Variants in EXD1 observed in about 807,000 individuals in gnomAD.
EXD1 encodes the protein exonuclease 3'-5' domain containing 1.
Under a neutral mutation model 49.1 loss-of-function variants are expected in EXD1, and 63 were observed. That is an observed-to-expected ratio of 1.28 (90% CI 1.05 to 1.58). The LOEUF (loss-of-function observed/expected upper bound fraction) is 1.58. Ranked by LOEUF, EXD1 falls within the 40% of genes most tolerant of loss-of-function variation. The pLI is 0.00. For synonymous variants in EXD1, 234 were observed against 239.2 expected, an observed-to-expected ratio of 0.98 and a Z score of 0.20; for missense variants, 748 against 666.0, an observed-to-expected ratio of 1.12 and a Z score of -1.36.
In EXD1 at chr15:41,226,558, G is replaced by T; in HGVS notation, c.18C>A (p.Asp6Glu). Residue 6 changes from aspartate to glutamate, a missense_variant, in exon 2 of 12, where the codon GAC (aspartate) becomes GAA (glutamate). Coordinates refer to ENST00000458580, the MANE Select transcript of EXD1 (RefSeq NM_001286441.2). MDPSSDYHFLSQILWK... is the reference protein window; with the variant it reads MDPSSEYHFLSQILWK... ...ACAAAATCTGGCTGAGGAAATGGTA[G>T]TCACTGCTGGGGTCCATGCTAATTG... 3 of 1,536,068 alleles carry T rather than the reference G, an allele frequency of 2.0e-6. No homozygotes were observed. The highest frequency in any genetic ancestry group is 2.4e-5 in the South Asian group (2 of 84,046).
At position 41,219,863 on chromosome 15, in the gene EXD1, C is replaced by G. The variant is rs770129615; in HGVS notation, c.169G>C (p.Val57Leu). The G allele has an allele frequency of 5.2e-6, 8 of 1,535,864 alleles. No homozygotes were observed. Among genetic ancestry groups the G allele is most frequent in the South Asian group, 4.8e-5 (4 of 84,038 alleles). ...NVETGRSVPG[V>L]KLFFGHEIVN... ...ATCTCATGCCCAAAAAACAACTTCACTCCTGGGACACTTCGACCTGTCTCC... is the reference window on the plus strand; with the variant it reads ...ATCTCATGCCCAAAAAACAACTTCAGTCCTGGGACACTTCGACCTGTCTCC... Residue 57 changes from valine to leucine, a missense_variant, in exon 3 of 12, where the codon GTG becomes CTG. Coordinates refer to ENST00000458580, the MANE Select transcript of EXD1 (RefSeq NM_001286441.2).
chr15:41,193,336 G>A (rs2046560450), intron 9 of EXD1, among the ~76,000 whole-genome samples: 1 of 152,184 alleles, frequency 6.6e-6, no homozygotes, highest in Admixed American at 6.6e-5. Flanking sequence ...TTAGTGGGCT[G>A]AGAATGCATT....
intron 2 of EXD1, among the ~76,000 whole-genome samples, chr15:41,222,310 G>A (rs1387196859): frequency 6.6e-6 from 1 of 152,168 alleles, no homozygotes; most frequent in Non-Finnish European, 1.5e-5. Flanking sequence ...CAGCTGTTCA[G>A]AGGCCAAGGC....
Position 41,195,913 on chromosome 15 carries a change from G to C in EXD1, c.639+20C>G, listed in dbSNP as rs1230030253. On this transcript the variant is annotated intron_variant, in intron 8 of 11. Transcript: ENST00000458580. ...CTGGCTGCTAATCTTAATAGCACAG[G>C]AATCAGTTTATATACTTACCTTCAA... The C allele has an allele frequency of 1.3e-5, 21 of 1,609,632 alleles. No homozygotes were observed. The highest frequency in any genetic ancestry group is 1.7e-5 in the Non-Finnish European group (20 of 1,177,770).
Position 41,226,437 on chromosome 15 carries a change from C to T in EXD1, c.133+6G>A. The T allele has an allele frequency of 6.5e-7, 1 of 1,535,758 alleles. No homozygotes were observed. The highest frequency in any genetic ancestry group is 8.7e-7 in the Non-Finnish European group (1 of 1,146,720). On this transcript the variant is annotated splice_donor_region_variant and intron_variant, in intron 2 of 11. Transcript: ENST00000458580. The stretch of plus-strand genomic sequence containing the variant: ...AGGCAGAACATTATAAGAAATAGAA[C>T]AAGACCTTTCTTCAGGACAACAATC...
intron 10 of EXD1, 110 bp downstream of exon 10, chr15:41,191,332 G>T: frequency 2.0e-6 from 2 of 1,011,562 alleles, no homozygotes; most frequent in Non-Finnish European, 2.9e-6. Flanking sequence ...TTTTGGCAAT[G>T]TTCATATGAT....
At chr15:41,229,167 G>A (rs779637385) in intron 1 of EXD1, among the ~76,000 whole-genome samples, 1 of 152,148 alleles carries the variant, frequency 6.6e-6, no homozygotes, top group Admixed American at 6.6e-5. Flanking sequence ...GGTTAGACAA[G>A]TGCACGACAA....
intron 2 of EXD1, among the ~76,000 whole-genome samples, chr15:41,224,129 G>C (rs1348484890): frequency 1.3e-5 from 2 of 152,130 alleles, no homozygotes; most frequent in African/African-American, 4.8e-5. Flanking sequence ...AGTAGAGACA[G>C]GGTTTACCAT....
At chr15:41,226,155 G>C (rs979796984) in intron 2 of EXD1, among the ~76,000 whole-genome samples, 3 of 151,708 alleles carry the variant, frequency 2.0e-5, no homozygotes, top group African/African-American at 7.3e-5. Flanking sequence ...GGGAGGCTGA[G>C]GCAGGAGAAT....
chr15:41,220,638 C>T (rs1326964548), intron 2 of EXD1, among the ~76,000 whole-genome samples: 2 of 152,132 alleles, frequency 1.3e-5, no homozygotes, highest in South Asian at 2.1e-4. Context: ...GGACAACGAT[C>T]CAAATCCTGG....
intron 7 of EXD1, among the ~76,000 whole-genome samples, chr15:41,206,371 G>A (rs1280532123): frequency 6.6e-6 from 1 of 150,816 alleles, no homozygotes; most frequent in Admixed American, 6.6e-5. Context: ...TTGGGAGGCT[G>A]AGGCAGGAGA....
At chr15:41,208,931 A>G (rs1388695735) in intron 7 of EXD1, among the ~76,000 whole-genome samples, 2 of 152,174 alleles carry the variant, frequency 1.3e-5, no homozygotes, top group African/African-American at 2.4e-5. Context: ...CCTCCAGCAG[A>G]GCCCGAGAGA....
rs2047226373 is a variant in EXD1, at chr15:41,230,572, G to A, written c.-147C>T. On this transcript the variant is annotated 5_prime_UTR_variant, in exon 1 of 12. In the 5' UTR this introduces an upstream ATG that the reference lacks. Coordinates refer to ENST00000458580, the MANE Select transcript of EXD1 (RefSeq NM_001286441.2). ...GATCCTAATTTCAGCCAAGTGGTGC[G>A]TTCCTCGAACTTCAGTCTAGAACTA... 1.9e-6 allele frequency: 3 copies of A among 1,613,104 alleles called. No individual in the cohort carries two copies. Among genetic ancestry groups the A allele is most frequent in the Admixed American group, 3.3e-5 (2 of 59,932 alleles).
intron 2 of EXD1, among the ~76,000 whole-genome samples, chr15:41,225,030 T>G (rs1392084243): frequency 6.6e-6 from 1 of 152,154 alleles, no homozygotes; most frequent in South Asian, 2.1e-4. Context: ...TTATCCTTTA[T>G]GATAACTGGA....
chr15:41,209,603 A>G lies in EXD1; in HGVS notation c.448-16T>C. 6.2e-7 allele frequency: 1 copy of G among 1,610,518 alleles called. No individual in the cohort carries two copies. Among genetic ancestry groups the G allele is most frequent in the Non-Finnish European group, 8.5e-7 (1 of 1,177,842 alleles). On this transcript the variant is annotated splice_polypyrimidine_tract_variant and intron_variant, in intron 6 of 11. Coordinates refer to ENST00000458580, the MANE Select transcript of EXD1 (RefSeq NM_001286441.2). ...TATGGAGTATCTGGTAAGAAAAAGA[A>G]GGAAAGGAAAAACTTTCAGGGAATA...
At chr15:41,219,042 C>T (rs1395363441) in intron 3 of EXD1, among the ~76,000 whole-genome samples, 3 of 152,118 alleles carry the variant, frequency 2.0e-5, no homozygotes, top group Non-Finnish European at 4.4e-5. Context: ...TTCTATCCAG[C>T]TCCTGATCTG....
At chr15:41,220,404 C>T (rs907419601) in intron 2 of EXD1, among the ~76,000 whole-genome samples, 18 of 152,012 alleles carry the variant, frequency 1.2e-4, no homozygotes, top group African/African-American at 4.1e-4. Flanking sequence ...CCGAGTAGCT[C>T]GGACTACAGG....
intron 2 of EXD1, among the ~76,000 whole-genome samples, chr15:41,222,664 C>T (rs1183209971): frequency 3.7e-5 from 5 of 136,960 alleles, no homozygotes; most frequent in African/African-American, 8.1e-5. Flanking sequence ...TTTTGCTGGA[C>T]GCGGTGACTC....
At position 41,183,745 on chromosome 15, in the gene EXD1, A is replaced by G. The variant is rs2046357050; in HGVS notation, c.*186T>C. 1.9e-6 allele frequency: 1 copy of G among 521,702 alleles called. No homozygotes were observed. The highest frequency in any genetic ancestry group is 3.3e-6 in the Non-Finnish European group (1 of 303,588). The allele number at this position is 521,702 out of a possible 1,614,324, so 32.3% of individuals were successfully genotyped here. On this transcript the variant is annotated 3_prime_UTR_variant, in exon 12 of 12. Coordinates refer to ENST00000458580, the MANE Select transcript of EXD1 (RefSeq NM_001286441.2). ...CATAATCAGAAATTATACTTCTTCC[A>G]TTATTTAACTTATTCATTCTCATTC...
Sources: allele counts gnomAD v4.1 joint callset (sites outside exome capture counted in the v4.1 genomes callset), GRCh38; gene constraint gnomAD v4.1.1; transcripts MANE v1.5; gene names NCBI Gene and HGNC (gene_info 2026-07-23, HGNC 2026-07-21).